KCND2: variants seen among roughly 807,000 people sequenced by gnomAD.
KCND2 encodes the protein A-type voltage-gated potassium channel KCND2.
Under a neutral mutation model 54.4 loss-of-function variants are expected in KCND2, and 16 were observed. The observed-to-expected ratio is 0.29, with a 90% CI of 0.20 to 0.45. The LOEUF is 0.45. Among genes scored for constraint, KCND2 ranks in the 20% least tolerant of loss-of-function variants. The probability of loss-of-function intolerance (pLI) is 1.00; values close to 1 mark genes in which losing one functional copy is unlikely to be tolerated. For missense variants in KCND2, 486 were observed against 824.2 expected (o/e 0.59, Z 5.02); for synonymous variants, 317 against 310.7 (o/e 1.02, Z -0.21).
At chr7:120,566,470 G>A (rs985247576) in intron 1 of KCND2, among the ~76,000 whole-genome samples, 9 of 151,976 alleles carry the variant, frequency 5.9e-5, no homozygotes, top group African/African-American at 1.2e-4. Context: ...AGCCTCCCAC[G>A]TACCTGGGGC....
intron 1 of KCND2, among the ~76,000 whole-genome samples, chr7:120,350,714 C>G (rs961230190): frequency 1.3e-5 from 2 of 152,164 alleles, no homozygotes; most frequent in Non-Finnish European, 2.9e-5. Flanking sequence ...ATTTCTAACA[C>G]AGCTCCTTAG....
intron 1 of KCND2, among the ~76,000 whole-genome samples, chr7:120,607,419 G>A (rs545806724): frequency 2.0e-5 from 3 of 151,904 alleles, no homozygotes; most frequent in Non-Finnish European, 4.4e-5. Context: ...AGATCTGTAG[G>A]GTAAGAAATC....
intron 1 of KCND2, among the ~76,000 whole-genome samples, chr7:120,678,392 G>T (rs944517070): frequency 0.025 from 3,047 of 123,928 alleles, 83 homozygotes; most frequent in East Asian, 0.14. Context: ...CACATATATA[G>T]ACACATACAC....
At chr7:120,407,083 C>G (rs1801372147) in intron 1 of KCND2, among the ~76,000 whole-genome samples, 1 of 151,690 alleles carries the variant, frequency 6.6e-6, no homozygotes, top group Non-Finnish European at 1.5e-5. Flanking sequence ...TCCTATAATA[C>G]ACCTTCATGG....
intron 1 of KCND2, among the ~76,000 whole-genome samples, chr7:120,296,066 TGTATA>T (rs1463273878): frequency 2.0e-5 from 3 of 152,112 alleles, no homozygotes; most frequent in African/African-American, 7.2e-5. Flanking sequence ...CACTTTCTAA[TGTATA>T]GTATTACATA....
chr7:120,419,367 T>A lies in KCND2; in HGVS notation c.1115+143620T>A, dbSNP rs1334277884. On this transcript the variant is annotated intron_variant, in intron 1 of 5. Transcript: ENST00000331113. The stretch of plus-strand genomic sequence containing the variant: ...AAAAAAATAAAACTAAAAGAATTGG[T>A]CAAAGAAAAGAAAATCCTTTGTCTA... Among the ~76,000 whole-genome samples, 9 of 152,284 alleles carry A rather than the reference T, an allele frequency of 5.9e-5. No individual in the cohort carries two copies. The East Asian group carries it at 1.7e-3, about 29-fold the overall frequency.
At chr7:120,433,149 A>G (rs998996370) in intron 1 of KCND2, among the ~76,000 whole-genome samples, 2 of 152,184 alleles carry the variant, frequency 1.3e-5, no homozygotes, top group African/African-American at 4.8e-5. Flanking sequence ...CAAATTGTAC[A>G]TGTCCTTCTC....
At chr7:120,441,083 A>C (rs2116193553) in intron 1 of KCND2, among the ~76,000 whole-genome samples, 1 of 152,136 alleles carries the variant, frequency 6.6e-6, no homozygotes, top group South Asian at 2.1e-4. Context: ...AAAAAAAAAT[A>C]AACCATTTCC....
chr7:120,344,835 A>C (rs945701627), intron 1 of KCND2, among the ~76,000 whole-genome samples: 4 of 152,202 alleles, frequency 2.6e-5, no homozygotes, highest in African/African-American at 7.2e-5. Flanking sequence ...ATAAATAAAT[A>C]CTGAACTTCT....
rs558074370 is a variant in KCND2 at position 120,438,742 on chromosome 7, G to C, written c.1115+162995G>C. ...TATATTATGGGAAGGGGAAAGTAGT[G>C]ATCTGCCAGGATATCTTTCTTTGAT... On this transcript the variant is annotated intron_variant, in intron 1 of 5. Coordinates refer to ENST00000331113, the MANE Select transcript of KCND2 (RefSeq NM_012281.3). 4.0e-4 allele frequency among the ~76,000 whole-genome samples: 61 copies of C among 152,192 alleles called. 1 individual carries two copies. The highest frequency in any genetic ancestry group is 1.5e-3 in the African/African-American group (61 of 41,540).
At chr7:120,316,160 G>GA (rs1217939848) in intron 1 of KCND2, among the ~76,000 whole-genome samples, 57 of 152,076 alleles carry the variant, frequency 3.7e-4, no homozygotes, top group Non-Finnish European at 1.5e-5. Context: ...AAACCTAAAA[G>GA]AAAAAACTAT....
intron 1 of KCND2, among the ~76,000 whole-genome samples, chr7:120,477,614 A>C (rs1445556580): frequency 6.6e-6 from 1 of 152,028 alleles, no homozygotes; most frequent in Non-Finnish European, 1.5e-5. Context: ...AGGTTCAGTA[A>C]ATTTATATAG....
rs1491367724 is a variant in KCND2, at chr7:120,413,577, A to AT, written c.1115+137831dup. On this transcript the variant is annotated intron_variant, in intron 1 of 5. Transcript: ENST00000331113. Reference sequence around the variant, plus strand: ...AATCTCAAACTTTTCAGAATAACACATGTGAACAACCAGATTATATATTTT... The same window carrying AT: ...AATCTCAAACTTTTCAGAATAACACATTGTGAACAACCAGATTATATATTTT... 1.3e-4 allele frequency among the ~76,000 whole-genome samples: 20 copies of AT among 152,134 alleles called. No homozygotes were observed. In the South Asian group the frequency reaches 4.1e-3, roughly 31 times the overall value.
At chr7:120,596,058 C>T (rs763123749) in intron 1 of KCND2, among the ~76,000 whole-genome samples, 1 of 152,082 alleles carries the variant, frequency 6.6e-6, no homozygotes, top group Non-Finnish European at 1.5e-5. Flanking sequence ...TTTTCAGCCT[C>T]TTTATTACTG....
chr7:120,381,773 G>T (rs1287955412), intron 1 of KCND2, among the ~76,000 whole-genome samples: 1 of 152,002 alleles, frequency 6.6e-6, no homozygotes. Flanking sequence ...TAACTATAAG[G>T]TTTGGTTTGA....
At position 120,554,461 on chromosome 7, in the gene KCND2, T is replaced by C. The variant is rs191415148; in HGVS notation, c.1116-178442T>C. On this transcript the variant is annotated intron_variant, in intron 1 of 5. Transcript: ENST00000331113. The stretch of plus-strand genomic sequence containing the variant: ...TCTCTCTCTGTAGCCCAGGCTGGAG[T>C]ACAGTGGCGCGATCTCAGCTCACTG... 3.8e-3 allele frequency among the ~76,000 whole-genome samples: 570 copies of C among 151,866 alleles called. 3 individuals are homozygous for C. The highest frequency in any genetic ancestry group is 0.013 in the African/African-American group (526 of 41,362).
At chr7:120,739,239 G>C (rs1792910674) in intron 2 of KCND2, among the ~76,000 whole-genome samples, 2 of 151,944 alleles carry the variant, frequency 1.3e-5, no homozygotes, top group African/African-American at 2.4e-5. Context: ...AGGGAGGGAG[G>C]GAGGAGTTGG....
At chr7:120,508,810 G>A (rs1803067959) in intron 1 of KCND2, among the ~76,000 whole-genome samples, 1 of 151,316 alleles carries the variant, frequency 6.6e-6, no homozygotes, top group South Asian at 2.1e-4. Flanking sequence ...GGCATCTACC[G>A]ATGCTGTCAC....
At chr7:120,500,690 T>TA (rs1221424845) in intron 1 of KCND2, among the ~76,000 whole-genome samples, 3 of 151,976 alleles carry the variant, frequency 2.0e-5, no homozygotes, top group African/African-American at 4.8e-5. Context: ...TACAACATTA[T>TA]AAAAAATGCA....
Sources: allele counts gnomAD v4.1 joint callset (sites outside exome capture counted in the v4.1 genomes callset), GRCh38; gene constraint gnomAD v4.1.1; transcripts MANE v1.5; gene names NCBI Gene and HGNC (gene_info 2026-07-23, HGNC 2026-07-21).